EGFL7: variants seen among roughly 807,000 people sequenced by gnomAD.
EGFL7 encodes the protein EGF like domain multiple 7, also known as epidermal growth factor-like protein 7.
In EGFL7, 48 loss-of-function variants were observed where a neutral mutation model predicts 37.1. The ratio of observed to expected loss-of-function variants is 1.29; its 90% confidence interval spans 1.03 to 1.65. EGFL7 has a LOEUF of 1.65. Among genes scored for constraint, EGFL7 ranks in the 40% most tolerant of loss-of-function variants. EGFL7 has a pLI of 0.00. For missense variants in EGFL7, 384 were observed against 378.9 expected, an observed-to-expected ratio of 1.01 and a Z score of -0.11; for synonymous variants, 180 against 156.8, an observed-to-expected ratio of 1.15 and a Z score of -1.10.
Position 136,663,413 on chromosome 9 carries a change from C to G in EGFL7, c.-347C>G, listed in dbSNP as rs555811888. ...GCCTTTCTCTCCCTCCGCAGAGCAG[C>G]CCCTGTGGTTGGCAGCAAAGTTCAG... On this transcript the variant is annotated 5_prime_UTR_variant, in exon 2 of 11. Coordinates refer to ENST00000308874, the MANE Select transcript of EGFL7 (RefSeq NM_016215.5). The G allele has an allele frequency of 4.7e-4, 71 of 152,586 alleles. No homozygotes were observed. The highest frequency in any genetic ancestry group is 1.7e-3 in the African/African-American group (69 of 41,590). The allele number at this position is 152,586 out of a possible 1,614,324, so 9.5% of individuals were successfully genotyped here.
chr9:136,672,368 G>A lies in EGFL7; in HGVS notation c.*82G>A, dbSNP rs1429668046. 26 of 1,588,740 alleles carry A rather than the reference G, an allele frequency of 1.6e-5. No individual in the cohort carries two copies. Among genetic ancestry groups the A allele is most frequent in the Non-Finnish European group, 2.0e-5 (23 of 1,159,108 alleles). Reference sequence around the variant, plus strand: ...CCCTGCCCAACATGCTGGGGGTCCAGAAACCACCTCGGGGTGACTGAGCGG... The same window carrying A: ...CCCTGCCCAACATGCTGGGGGTCCAAAAACCACCTCGGGGTGACTGAGCGG... On this transcript the variant is annotated 3_prime_UTR_variant, in exon 11 of 11. Transcript: ENST00000308874.
intron 2 of EGFL7, among the ~76,000 whole-genome samples, chr9:136,664,235 A>G (rs1845322677): frequency 6.6e-6 from 1 of 152,194 alleles, no homozygotes; most frequent in Non-Finnish European, 1.5e-5. Context: ...CCCCTGGTCC[A>G]GAGCAGTGGC....
intron 3 of EGFL7, chr9:136,665,719 T>TGGGGCGGGGCCG (rs1564273411): frequency 1.6e-4 from 2 of 12,858 alleles, no homozygotes. Flanking sequence ...GGCCGCCAGG[T>TGGGGCGGGGCCG]GGGGCGGGGC....
At position 136,669,761 on chromosome 9, in the gene EGFL7, G is replaced by A. The variant is rs770197582; in HGVS notation, c.313+40G>A. 1.1e-5 allele frequency: 16 copies of A among 1,501,538 alleles called. No individual in the cohort carries two copies. The East Asian group carries it at 2.2e-4, about 20-fold the overall frequency. The allele number at this position is 1,501,538 out of a possible 1,614,324, so 93.0% of individuals were successfully genotyped here. The stretch of plus-strand genomic sequence containing the variant: ...CCTCGGCGCCCGGTGTTAGGAGGGC[G>A]ACTGTTCCCCAATCTTCCAGCAACG... On this transcript the variant is annotated intron_variant, in intron 6 of 10. Transcript: ENST00000308874.
chr9:136,672,033 C>T lies in EGFL7; in HGVS notation c.744C>T (p.Gly248=). 1.3e-6 allele frequency: 2 copies of T among 1,545,186 alleles called. No homozygotes were observed. The highest frequency in any genetic ancestry group is 1.4e-5 in the African/African-American group (1 of 73,206). The change falls in exon 10 of 11, where the codon GGC becomes GGT. Residue 248 remains glycine (G), a synonymous_variant. Transcript: ENST00000308874. ...SLLVHSFQQL[G]RIDSLSEQIS... is the part of the protein sequence containing the mutation. ...TGGTGCACTCCTTCCAGCAGCTCGG[C>T]CGCATCGACTCCCTGAGCGAGCAGA...
Position 136,671,862 on chromosome 9 carries a change from T to C in EGFL7, c.637-64T>C. 2.1e-6 allele frequency: 3 copies of C among 1,440,464 alleles called. No homozygotes were observed. In the Admixed American group the frequency reaches 8.0e-5, roughly 39 times the overall value. 89.2% of individuals were successfully genotyped at this position (1,440,464 alleles called of 1,614,324 possible). On this transcript the variant is annotated intron_variant, in intron 9 of 10. Coordinates refer to ENST00000308874, the MANE Select transcript of EGFL7 (RefSeq NM_016215.5). ...TGGAGCCCTTCCCAGGGGTCCTCCC[T>C]AGACCCCGGTGGAGCAGAGAGGGCG...
In EGFL7 at chr9:136,671,997, C is replaced by T. The variant is rs371867059; in HGVS notation, c.708C>T (p.Pro236=). 73 of 1,543,326 alleles carry T rather than the reference C, an allele frequency of 4.7e-5. No homozygotes were observed. The African/African-American group carries it at 4.9e-4, about 10-fold the overall frequency. The change falls in exon 10 of 11, where the codon CCC becomes CCT. Residue 236 remains proline, a synonymous_variant. Transcript: ENST00000308874. ...SQALEHGLPD[P]GSLLVHSFQQ... Reference sequence around the variant, plus strand: ...CACTGGAGCATGGGCTCCCGGACCCCGGCAGCCTCCTGGTGCACTCCTTCC... The same window carrying T: ...CACTGGAGCATGGGCTCCCGGACCCTGGCAGCCTCCTGGTGCACTCCTTCC...
rs751086402 is a variant in EGFL7 at position 136,669,663 on chromosome 9, C to A, written c.255C>A (p.Arg85=). Residue 85 remains arginine (R), a synonymous_variant, in exon 6 of 11, where the codon CGC becomes CGA. Transcript: ENST00000308874. ...RSPGLAPARP[R]YACCPGWKRT... is the part of the protein sequence containing the mutation. ...CTGGGCTGGCCCCTGCCAGGCCTCG[C>A]TACGCGTGCTGCCCCGGCTGGAAGA... 1.9e-6 allele frequency: 3 copies of A among 1,610,302 alleles called. No individual in the cohort carries two copies. Among genetic ancestry groups the A allele is most frequent in the East Asian group, 2.2e-5 (1 of 44,798 alleles).
At position 136,672,002 on chromosome 9, in the gene EGFL7, G is replaced by C. The variant is rs750471070; in HGVS notation, c.713G>C (p.Ser238Thr). The C allele has an allele frequency of 6.5e-7, 1 of 1,543,712 alleles. No homozygotes were observed. Among genetic ancestry groups the C allele is most frequent in the South Asian group, 1.2e-5 (1 of 84,022 alleles). ...GAGCATGGGCTCCCGGACCCCGGCA[G>C]CCTCCTGGTGCACTCCTTCCAGCAG... ...ALEHGLPDPG[S>T]LLVHSFQQLG... Residue 238 changes from serine to threonine, a missense_variant, in exon 10 of 11, where the codon AGC becomes ACC. Transcript: ENST00000308874.
chr9:136,670,827 CG>C, intron 8 of EGFL7, 122 bp from the exon 9 acceptor site: 2 of 926,420 alleles, frequency 2.2e-6, no homozygotes, highest in Non-Finnish European at 3.4e-6. Flanking sequence ...AGGCAGGCAG[CG>C]GGGGCGGCAG....
At chr9:136,668,189 G>C in intron 3 of EGFL7, 52 bp from the exon 4 acceptor site, 1 of 1,114,478 alleles carries the variant, frequency 9.0e-7, no homozygotes, top group Admixed American at 2.4e-5. Flanking sequence ...AACTGCACCC[G>C]CGTCCTGGGG....
chr9:136,664,157 A>T (rs1373894826), intron 2 of EGFL7, among the ~76,000 whole-genome samples: 1 of 152,136 alleles, frequency 6.6e-6, no homozygotes, highest in Non-Finnish European at 1.5e-5. Flanking sequence ...CCCCAGTCAG[A>T]TGAGGAACGC....
At chr9:136,668,695 G>A (rs761882012) in intron 5 of EGFL7, 22 bp downstream of exon 5, 2 of 1,576,606 alleles carry the variant, frequency 1.3e-6, no homozygotes, top group East Asian at 4.5e-5. Context: ...ACCACACCGA[G>A]CTCACCCAGC....
rs1039385169 is a variant in EGFL7, at chr9:136,670,855, C to T, written c.572-95C>T. The T allele has an allele frequency of 4.0e-6, 5 of 1,235,080 alleles. No individual in the cohort carries two copies. The Admixed American group carries it at 1.0e-4, about 26-fold the overall frequency. 76.5% of individuals were successfully genotyped at this position (1,235,080 alleles called of 1,614,324 possible). The stretch of plus-strand genomic sequence containing the variant: ...GGGCGGCAGAGGCCTGGGCCTGAGT[C>T]TTCTGGCTCTGCCTCTCCCTGGGGA... On this transcript the variant is annotated intron_variant, in intron 8 of 10. Coordinates refer to ENST00000308874, the MANE Select transcript of EGFL7 (RefSeq NM_016215.5).
Position 136,666,648 on chromosome 9 carries a change from T to C in EGFL7, c.-42-1593T>C, listed in dbSNP as rs1440094768. The stretch of plus-strand genomic sequence containing the variant: ...TGTGGGGGGGAGCTGTGCCAATATG[T>C]GTGGGGGGCAATGAGGTCTGGGAGA... On this transcript the variant is annotated intron_variant, in intron 3 of 10. Coordinates refer to ENST00000308874, the MANE Select transcript of EGFL7 (RefSeq NM_016215.5). This position sits in a 1 kb window ranked among gnomAD's most constrained non-coding sequence, Gnocchi z 6.8. Among the ~76,000 whole-genome samples, 8 of 150,706 alleles carry C rather than the reference T, an allele frequency of 5.3e-5. No individual in the cohort carries two copies. Among genetic ancestry groups the C allele is most frequent in the African/African-American group, 1.9e-4 (8 of 41,108 alleles).
At position 136,669,960 on chromosome 9, in the gene EGFL7, T is replaced by TGGCCGC; in HGVS notation, c.361_366dup (p.Gly121_Arg122dup). 1 of 1,605,492 alleles carries TGGCCGC rather than the reference T, an allele frequency of 6.2e-7. No individual in the cohort carries two copies. The highest frequency in any genetic ancestry group is 8.5e-7 in the Non-Finnish European group (1 of 1,175,986). The stretch of plus-strand genomic sequence containing the variant: ...GGAACGGAGGGAGCTGTGTCCAGCC[T>TGGCCGC]GGCCGCTGCCGCTGCCCTGCAGGAT... On this transcript the variant is annotated inframe_insertion, in exon 7 of 11. Coordinates refer to ENST00000308874, the MANE Select transcript of EGFL7 (RefSeq NM_016215.5).
At chr9:136,665,467 C>A (rs1026820400) in intron 3 of EGFL7, among the ~76,000 whole-genome samples, 11 of 152,236 alleles carry the variant, frequency 7.2e-5, no homozygotes, top group South Asian at 2.1e-4. Flanking sequence ...AGTGTGGGCG[C>A]CCTGGGCGGC....
In EGFL7 at chr9:136,670,260, C is replaced by T. The variant is rs1335613878; in HGVS notation, c.501C>T (p.His167=). ...ACTGGTGCCAGTGTTGGGAGGGGCA[C>T]AGCCTGTCTGCAGACGGTACACTCT... is the stretch of plus-strand genomic sequence containing the variant. ...GSYWCQCWEG[H]SLSADGTLCV... Residue 167 remains histidine (H), a synonymous_variant, in exon 8 of 11, where the codon CAC becomes CAT. Coordinates refer to ENST00000308874, the MANE Select transcript of EGFL7 (RefSeq NM_016215.5). 6.2e-7 allele frequency: 1 copy of T among 1,612,366 alleles called. No individual in the cohort carries two copies. The highest frequency in any genetic ancestry group is 1.7e-5 in the Admixed American group (1 of 59,996).
At position 136,669,739 on chromosome 9, in the gene EGFL7, C is replaced by T. The variant is rs533110390; in HGVS notation, c.313+18C>T. On this transcript the variant is annotated intron_variant, in intron 6 of 10. Coordinates refer to ENST00000308874, the MANE Select transcript of EGFL7 (RefSeq NM_016215.5). ...TGGAGCAGGTGAGGGCTATGTCCCT[C>T]GGCGCCCGGTGTTAGGAGGGCGACT... 1.8e-4 allele frequency: 286 copies of T among 1,552,746 alleles called. 2 individuals are homozygous for T. The South Asian group carries it at 2.5e-3, about 14-fold the overall frequency.
Sources: allele counts gnomAD v4.1 joint callset (sites outside exome capture counted in the v4.1 genomes callset), GRCh38; gene constraint gnomAD v4.1.1; non-coding constraint Gnocchi (gnomAD v3.1); transcripts MANE v1.5; gene names NCBI Gene and HGNC (gene_info 2026-07-23, HGNC 2026-07-21).